The following RNFT2 variants were observed in gnomAD, a reference collection of about 807,000 sequenced individuals.
RNFT2 encodes E3 ubiquitin-protein ligase RNFT2.
In RNFT2, 36 loss-of-function variants were observed where a neutral mutation model predicts 53.0. The observed-to-expected ratio is 0.68, with a 90% CI of 0.52 to 0.90. RNFT2 has a LOEUF of 0.90. Ranked by LOEUF, RNFT2 falls within the 40% of genes least tolerant of loss-of-function variation. The probability of loss-of-function intolerance (pLI) is 0.00; values close to 1 mark genes in which losing one functional copy is unlikely to be tolerated. For synonymous variants in RNFT2, 260 were observed against 253.2 expected (o/e 1.03, Z -0.26); for missense variants, 514 against 585.6 (o/e 0.88, Z 1.26).
chr12:116,836,065 A>G, intron 9 of RNFT2, 40 bp downstream of exon 9: 1 of 1,608,564 alleles, frequency 6.2e-7, no homozygotes, highest in Non-Finnish European at 8.5e-7. Context: ...GGTCCTGAGA[A>G]TCAGGAACTG....
rs926821743 is a variant in RNFT2, at chr12:116,749,988, G to A, written c.231G>A (p.Val77=). The change falls in exon 4 of 11, where the codon GTG becomes GTA. Residue 77 remains valine (V), a synonymous_variant. Transcript: ENST00000257575. ...CCAGCTCGTTCCCCTCCAGCCTGGT[G>A]CTGGGCTCCTCGGCTGGCGGCGGGG... ...LPTSSFPSSL[V]LGSSAGGGDV... 3.2e-6 allele frequency: 5 copies of A among 1,560,374 alleles called. No homozygotes were observed. Among genetic ancestry groups the A allele is most frequent in the Non-Finnish European group, 2.6e-6 (3 of 1,152,148 alleles).
In RNFT2 at chr12:116,852,451, T is replaced by G; in HGVS notation, c.*3003T>G. 1 of 1,423,070 alleles carries G rather than the reference T, an allele frequency of 7.0e-7. No individual in the cohort carries two copies. The highest frequency in any genetic ancestry group is 9.2e-7 in the Non-Finnish European group (1 of 1,087,800). The allele number at this position is 1,423,070 out of a possible 1,614,324, so 88.2% of individuals were successfully genotyped here. A position where few individuals can be genotyped will look rare whatever the true frequency, so the allele number is the denominator to read the frequency against. ...GTCTGTTCCAGGGCAGTGTAGCATC[T>G]TTCAAGCTCCGTTACTATGGCGATG... is the stretch of plus-strand genomic sequence containing the variant. On this transcript the variant is annotated 3_prime_UTR_variant, in exon 11 of 11. Coordinates refer to ENST00000257575, the MANE Select transcript of RNFT2 (RefSeq NM_001382266.1).
At chr12:116,775,360 G>A (rs1451871084) in intron 6 of RNFT2, among the ~76,000 whole-genome samples, 2 of 150,980 alleles carry the variant, frequency 1.3e-5, no homozygotes, top group African/African-American at 4.9e-5. Context: ...GTGCTTGTAT[G>A]TGACACCAAC....
intron 7 of RNFT2, 92 bp from the exon 8 acceptor site, chr12:116,833,700 A>G (rs979642855): frequency 5.0e-5 from 65 of 1,304,412 alleles, no homozygotes; most frequent in Non-Finnish European, 6.5e-5. Flanking sequence ...TGTGACCTAG[A>G]ATGTCATCAC....
intron 7 of RNFT2, among the ~76,000 whole-genome samples, chr12:116,795,866 T>C (rs1261899602): frequency 6.6e-6 from 1 of 152,126 alleles, no homozygotes; most frequent in Non-Finnish European, 1.5e-5. Flanking sequence ...CCTTGGCTGC[T>C]CTTTTGAGGC....
At chr12:116,843,492 CAAAAAAAAAA>C (rs35687933) in intron 10 of RNFT2, among the ~76,000 whole-genome samples, 1 of 65,132 alleles carries the variant, frequency 1.5e-5, no homozygotes, top group African/African-American at 6.4e-5. Flanking sequence ...GACTGTGTCT[CAAAAAAAAAA>C]AAAAAAAAAA....
At chr12:116,827,212 T>A (rs1876383853) in intron 7 of RNFT2, among the ~76,000 whole-genome samples, 1 of 129,370 alleles carries the variant, frequency 7.7e-6, no homozygotes. Context: ...AGGGTGAGAC[T>A]CCATCTCAAA....
intron 7 of RNFT2, among the ~76,000 whole-genome samples, chr12:116,803,241 T>G (rs1235492363): frequency 6.6e-6 from 1 of 152,212 alleles, no homozygotes; most frequent in Non-Finnish European, 1.5e-5. Context: ...TATAAAGTCC[T>G]CTGGGTGCAA....
At chr12:116,748,668 C>T (rs1454561702) in intron 3 of RNFT2, 1 of 452,568 alleles carries the variant, frequency 2.2e-6, no homozygotes, top group Non-Finnish European at 4.4e-6. Flanking sequence ...TCAGCTGTGA[C>T]CAAGGCTGGC....
Position 116,739,887 on chromosome 12 carries a change from A to G in RNFT2, c.-153-458A>G, listed in dbSNP as rs535053369. 3.3e-5 allele frequency among the ~76,000 whole-genome samples: 5 copies of G among 152,324 alleles called. No individual in the cohort carries two copies. The East Asian group carries it at 7.7e-4, about 24-fold the overall frequency. ...CCCAATCAGGACTCTTAGTTTGACA[A>G]TAGGATGAAATACAATACCTTAAGA... On this transcript the variant is annotated intron_variant, in intron 1 of 10. Transcript: ENST00000257575.
chr12:116,828,048 C>T (rs529155436), intron 7 of RNFT2, among the ~76,000 whole-genome samples: 38 of 152,290 alleles, frequency 2.5e-4, no homozygotes, highest in African/African-American at 8.4e-4. Flanking sequence ...GACACAGGGA[C>T]GTTTCATGGG....
intron 7 of RNFT2, among the ~76,000 whole-genome samples, chr12:116,789,377 G>T (rs983197029): frequency 6.7e-6 from 1 of 148,986 alleles, no homozygotes; most frequent in Non-Finnish European, 1.5e-5. Context: ...TGGGAGGAGA[G>T]TGAGTAGATG....
intron 7 of RNFT2, among the ~76,000 whole-genome samples, chr12:116,800,387 C>G (rs1341944956): frequency 1.3e-5 from 2 of 151,888 alleles, no homozygotes; most frequent in South Asian, 2.1e-4. Flanking sequence ...AATCCCAGCA[C>G]TTTGGAAGGC....
chr12:116,817,589 CT>C (rs1170991346), intron 7 of RNFT2, among the ~76,000 whole-genome samples: 3 of 152,222 alleles, frequency 2.0e-5, no homozygotes, highest in Admixed American at 2.0e-4. Context: ...ACAGAGGACA[CT>C]ACTGATTGGG....
chr12:116,833,834 C>T lies in RNFT2; in HGVS notation c.925C>T (p.Arg309Ter), dbSNP rs752308240. Residue 309 changes from arginine to a stop codon, truncating the protein, a stop_gained, in exon 8 of 11, where the codon CGA (arginine) becomes TGA (stop). Coordinates refer to ENST00000257575, the MANE Select transcript of RNFT2 (RefSeq NM_001382266.1). LOFTEE classifies it high-confidence loss of function. ...CATCGAGGAGCTGAGCCAGCTGTTC[C>T]GATCCCTTGTCCCCATCCAGCTGTG... Reference protein sequence around the residue: ...LVIEELSQLFRSLVPIQLWYK... With the variant: ...LVIEELSQLF The T allele has an allele frequency of 7.4e-6, 12 of 1,613,262 alleles. No individual in the cohort carries two copies. The highest frequency in any genetic ancestry group is 1.1e-5 in the South Asian group (1 of 90,912).
At chr12:116,840,129 G>T (rs1044247700) in intron 10 of RNFT2, among the ~76,000 whole-genome samples, 3 of 152,178 alleles carry the variant, frequency 2.0e-5, no homozygotes, top group Admixed American at 2.0e-4. Flanking sequence ...AGAATGAACT[G>T]TCCTCCAATT....
At chr12:116,807,594 C>T (rs893827642) in intron 7 of RNFT2, among the ~76,000 whole-genome samples, 4 of 152,102 alleles carry the variant, frequency 2.6e-5, no homozygotes, top group African/African-American at 9.7e-5. Flanking sequence ...CCTCTCCCCG[C>T]ACCATTCCCC....
intron 7 of RNFT2, among the ~76,000 whole-genome samples, chr12:116,817,330 T>G (rs1446930617): frequency 6.6e-6 from 1 of 152,124 alleles, no homozygotes; most frequent in Non-Finnish European, 1.5e-5. Flanking sequence ...ATTTTTTAAA[T>G]AGAGACAGGA....
chr12:116,773,405 A>C (rs1308922875), intron 6 of RNFT2, among the ~76,000 whole-genome samples: 2 of 152,184 alleles, frequency 1.3e-5, no homozygotes, highest in Non-Finnish European at 2.9e-5. Flanking sequence ...GACTCAAACA[A>C]TCCTAGGAAA....
Sources: gnomAD v4.1 joint callset for allele counts (sites outside exome capture counted in the v4.1 genomes callset) on GRCh38, gnomAD v4.1.1 for gene constraint, MANE v1.5 for transcripts, NCBI Gene and HGNC (gene_info 2026-07-23, HGNC 2026-07-21) for gene names.